Variants in NPAS3 observed in about 807,000 individuals in gnomAD.
NPAS3 encodes the protein neuronal PAS domain protein 3, also known as neuronal PAS domain-containing protein 3.
Under a neutral mutation model 73.1 loss-of-function variants are expected in NPAS3, and 14 were observed. That is an observed-to-expected ratio of 0.19 (90% CI 0.13 to 0.30). NPAS3 has a LOEUF of 0.30. NPAS3 is among the 10% of genes least tolerant of loss of function. The pLI, the probability that NPAS3 is intolerant of heterozygous loss-of-function variation, is 1.00. For synonymous variants in NPAS3, 620 were observed against 541.5 expected (o/e 1.14, Z -2.01); for missense variants, 1,096 against 1,250.0 (o/e 0.88, Z 1.86).
chr14:33,062,301 G>GA lies in NPAS3; in HGVS notation c.140+6318dup, dbSNP rs34914631. On this transcript the variant is annotated intron_variant, in intron 2 of 11. Transcript: ENST00000356141. Reference sequence around the variant, plus strand: ...CAATTCCCACCTATGAAAAAAAAAAGAAAAAAAAAAAGAAGGAATGTGAAA... The same window carrying GA: ...CAATTCCCACCTATGAAAAAAAAAAGAAAAAAAAAAAAGAAGGAATGTGAAA... Among the ~76,000 whole-genome samples the GA allele has an allele frequency of 1.2e-4, 17 of 146,658 alleles. No homozygotes were observed. In the East Asian group the frequency reaches 1.6e-3, roughly 14 times the overall value.
At chr14:33,708,247 G>T (rs2140481112) in intron 6 of NPAS3, among the ~76,000 whole-genome samples, 1 of 152,312 alleles carries the variant, frequency 6.6e-6, no homozygotes, top group East Asian at 1.9e-4. Flanking sequence ...AAACCGCACA[G>T]TGATAGAATA....
chr14:32,989,667 C>A (rs1451297008), intron 1 of NPAS3, among the ~76,000 whole-genome samples: 3 of 121,294 alleles, frequency 2.5e-5, no homozygotes, highest in African/African-American at 8.2e-5. Context: ...ACAACAACAA[C>A]AACAAAACAA....
At chr14:33,436,140 G>A (rs1594901796) in intron 4 of NPAS3, among the ~76,000 whole-genome samples, 1 of 152,318 alleles carries the variant, frequency 6.6e-6, no homozygotes, top group Admixed American at 6.5e-5. Context: ...CATAGAAGGG[G>A]AGTGGTGGAA....
chr14:33,509,966 C>T (rs1287073746), intron 4 of NPAS3, among the ~76,000 whole-genome samples: 12 of 152,008 alleles, frequency 7.9e-5, no homozygotes, highest in Admixed American at 7.2e-4. Context: ...AGTCTACCCT[C>T]CAAAGCTTTT....
chr14:33,758,441 G>C (rs1447637186), intron 7 of NPAS3, among the ~76,000 whole-genome samples: 1 of 152,196 alleles, frequency 6.6e-6, no homozygotes, highest in Non-Finnish European at 1.5e-5. Context: ...TCAGGGCTTG[G>C]CCAATGTGTG....
At chr14:33,538,233 C>T (rs78080845) in intron 4 of NPAS3, among the ~76,000 whole-genome samples, 105 of 152,258 alleles carry the variant, frequency 6.9e-4, no homozygotes, top group African/African-American at 2.5e-3. Context: ...GCTTGTAGCT[C>T]AAAGGTCCTA....
intron 1 of NPAS3, among the ~76,000 whole-genome samples, chr14:33,039,938 G>A (rs2040297977): frequency 6.6e-6 from 1 of 152,094 alleles, no homozygotes; most frequent in African/African-American, 2.4e-5. Context: ...ATTCTGTTTG[G>A]TGATCTATTT....
intron 2 of NPAS3, among the ~76,000 whole-genome samples, chr14:33,173,191 T>C (rs1422322965): frequency 6.6e-6 from 1 of 152,226 alleles, no homozygotes; most frequent in Non-Finnish European, 1.5e-5. Flanking sequence ...TTTTTTTCTC[T>C]TGAAAAATTA....
At chr14:33,169,749 A>G (rs1048153103) in intron 2 of NPAS3, among the ~76,000 whole-genome samples, 5 of 152,230 alleles carry the variant, frequency 3.3e-5, no homozygotes, top group Admixed American at 6.5e-5. Context: ...GGTTTTCAAA[A>G]TGCTGTTTTG....
chr14:33,733,925 C>T (rs541386966), intron 6 of NPAS3, among the ~76,000 whole-genome samples: 7 of 152,250 alleles, frequency 4.6e-5, no homozygotes, highest in African/African-American at 1.7e-4. Flanking sequence ...CCACAGATAG[C>T]AAGGTTTCTG....
intron 7 of NPAS3, among the ~76,000 whole-genome samples, chr14:33,752,103 CAAAG>C (rs1436373276): frequency 2.6e-5 from 4 of 152,038 alleles, no homozygotes; most frequent in African/African-American, 7.2e-5. Flanking sequence ...ACAAAGAAAA[CAAAG>C]AAAACCTCTC....
chr14:33,657,966 T>C (rs1224201425), intron 5 of NPAS3, among the ~76,000 whole-genome samples: 1 of 152,212 alleles, frequency 6.6e-6, no homozygotes, highest in Non-Finnish European at 1.5e-5. Flanking sequence ...TCGAAGCTCC[T>C]ACAAATCTTA....
intron 3 of NPAS3, among the ~76,000 whole-genome samples, chr14:33,264,613 A>T (rs1371962299): frequency 6.6e-6 from 1 of 152,120 alleles, no homozygotes; most frequent in Non-Finnish European, 1.5e-5. Context: ...TAGTGTCTGA[A>T]TGGTACTAGG....
At chr14:33,122,000 G>A (rs1165926250) in intron 2 of NPAS3, among the ~76,000 whole-genome samples, 2 of 152,084 alleles carry the variant, frequency 1.3e-5, no homozygotes, top group Non-Finnish European at 2.9e-5. Context: ...GTATTTTCAT[G>A]TGTACCAATG....
At chr14:33,351,234 T>C (rs1477863810) in intron 3 of NPAS3, among the ~76,000 whole-genome samples, 2 of 152,214 alleles carry the variant, frequency 1.3e-5, no homozygotes, top group East Asian at 1.9e-4. Context: ...TTTGGAAATA[T>C]ACACTAGTCA....
intron 2 of NPAS3, among the ~76,000 whole-genome samples, chr14:33,078,006 G>A (rs2041727787): frequency 6.6e-6 from 1 of 151,804 alleles, no homozygotes; most frequent in African/African-American, 2.4e-5. Flanking sequence ...GGGCGTGGTG[G>A]CGCATGCCTA....
chr14:33,594,825 A>G (rs915863841), intron 5 of NPAS3, among the ~76,000 whole-genome samples: 1 of 152,156 alleles, frequency 6.6e-6, no homozygotes, highest in Non-Finnish European at 1.5e-5. Context: ...TCGTTAGTGG[A>G]TGAAAGTCAT....
At chr14:32,969,898 G>A (rs2037349455) in intron 1 of NPAS3, among the ~76,000 whole-genome samples, 1 of 152,108 alleles carries the variant, frequency 6.6e-6, no homozygotes, top group African/African-American at 2.4e-5. Flanking sequence ...ATGTCACATA[G>A]GATTGCCTTT....
exon 8 of NPAS3, chr14:33,774,455 A>G (rs371356547): frequency 1.3e-5 from 21 of 1,614,094 alleles, no homozygotes; most frequent in African/African-American, 9.3e-5. Context: ...CCTACGATCA[A>G]TGAAGTCAGA....
Sources: gnomAD v4.1 joint callset for allele counts (sites outside exome capture counted in the v4.1 genomes callset) on GRCh38, gnomAD v4.1.1 for gene constraint, MANE v1.5 for transcripts, NCBI Gene and HGNC (gene_info 2026-07-23, HGNC 2026-07-21) for gene names.